Variants in ART4 observed in about 807,000 individuals in gnomAD.
ART4 encodes the protein ecto-ADP-ribosyltransferase 4.
In ART4, 14 loss-of-function variants were observed where a neutral mutation model predicts 24.2. The observed-to-expected ratio is 0.58, with a 90% CI of 0.38 to 0.90. The LOEUF (loss-of-function observed/expected upper bound fraction) is 0.90. ART4 is among the 40% of genes least tolerant of loss of function. The probability of loss-of-function intolerance (pLI) is 0.00; values close to 1 mark genes in which losing one functional copy is unlikely to be tolerated. For missense variants in ART4, 356 were observed against 366.6 expected, an observed-to-expected ratio of 0.97 and a Z score of 0.24; for synonymous variants, 145 against 139.9, an observed-to-expected ratio of 1.04 and a Z score of -0.26.
intron 2 of ART4, among the ~76,000 whole-genome samples, chr12:14,829,988 C>T (rs1950383406): frequency 3.9e-5 from 6 of 152,030 alleles, no homozygotes; most frequent in Admixed American, 3.9e-4. Flanking sequence ...GTATAGGCAC[C>T]ATTCAAACTT....
In ART4 at chr12:14,829,266, G is replaced by A; in HGVS notation, c.*105C>T. The A allele has an allele frequency of 1.3e-6, 1 of 758,982 alleles. No homozygotes were observed. The allele number at this position is 758,982 out of a possible 1,614,324, so 47.0% of individuals were successfully genotyped here. A position where few individuals can be genotyped will look rare whatever the true frequency, so the allele number is the denominator to read the frequency against. On this transcript the variant is annotated 3_prime_UTR_variant, in exon 3 of 3. Coordinates refer to ENST00000228936, the MANE Select transcript of ART4 (RefSeq NM_021071.4). ...GCACTGGTTTCAGCAGAAGTATGATGGGATCATCCTTCCTGGAAAATAAAT... is the reference window on the plus strand; with the variant it reads ...GCACTGGTTTCAGCAGAAGTATGATAGGATCATCCTTCCTGGAAAATAAAT...
chr12:14,829,415 A>T lies in ART4; in HGVS notation c.901T>A (p.Ser301Thr). The change falls in exon 3 of 3, where the codon TCC becomes ACC. Residue 301 changes from serine to threonine, a missense_variant. By Grantham distance (58) the Ser-to-Thr change is moderately conservative. Transcript: ENST00000228936. Reference protein sequence around the residue: ...IPDPIAIASLSFLTSVIIFSK... With the variant: ...IPDPIAIASLTFLTSVIIFSK... The stretch of plus-strand genomic sequence containing the variant: ...AAGATGATGACACTGGTCAAAAAGG[A>T]GAGAGATGCAATAGCTATAGGATCA... 6.2e-7 allele frequency: 1 copy of T among 1,609,480 alleles called. No individual in the cohort carries two copies.
Position 14,825,673 on chromosome 12 carries a change from A to T in ART4, c.*3698T>A, listed in dbSNP as rs1460385367. On this transcript the variant is annotated 3_prime_UTR_variant, in exon 3 of 3. Transcript: ENST00000228936. The stretch of plus-strand genomic sequence containing the variant: ...ATTTTACCAAATCAAGAGCTAGTTC[A>T]TTCAGTGTAAATCAATTTGATTCAT... 1 of 152,230 alleles carries T rather than the reference A, an allele frequency of 6.6e-6. No individual in the cohort carries two copies. The highest frequency in any genetic ancestry group is 2.4e-5 in the African/African-American group (1 of 41,456). The allele number at this position is 152,230 out of a possible 1,614,324, so 9.4% of individuals were successfully genotyped here.
At chr12:14,836,587 T>G (rs1053967215) in intron 2 of ART4, among the ~76,000 whole-genome samples, 1 of 152,188 alleles carries the variant, frequency 6.6e-6, no homozygotes, top group Non-Finnish European at 1.5e-5. Flanking sequence ...AAGGGGGCAT[T>G]ACTGCAATTT....
At position 14,830,649 on chromosome 12, in the gene ART4, GTATATATATATATATATATATA is replaced by G. The variant is rs3084548; in HGVS notation, c.854-1209_854-1188del. ...GTGTGTATGTGTGTACTGTATGTAT[GTATATATATATATATATATATA>G]TATATATATATATATATATATATAT... is the stretch of plus-strand genomic sequence containing the variant. On this transcript the variant is annotated intron_variant, in intron 2 of 2. Coordinates refer to ENST00000228936, the MANE Select transcript of ART4 (RefSeq NM_021071.4). 3.0e-3 allele frequency among the ~76,000 whole-genome samples: 78 copies of G among 25,956 alleles called. 5 individuals are homozygous for G. The East Asian group carries it at 0.037, about 12-fold the overall frequency. 17.0% of individuals were successfully genotyped at this position (25,956 alleles called of 152,430 possible). A position where few individuals can be genotyped will look rare whatever the true frequency, so the allele number is the denominator to read the frequency against.
intron 2 of ART4, among the ~76,000 whole-genome samples, chr12:14,831,027 A>G (rs1027698389): frequency 6.6e-6 from 1 of 151,914 alleles, no homozygotes; most frequent in South Asian, 2.1e-4. Context: ...AGAGAGCTTA[A>G]GGGTCTCTGT....
At position 14,840,608 on chromosome 12, in the gene ART4, G is replaced by C; in HGVS notation, c.690C>G (p.Thr230=). 6.2e-7 allele frequency: 1 copy of C among 1,614,158 alleles called. No individual in the cohort carries two copies. Among genetic ancestry groups the C allele is most frequent in the Middle Eastern group, 1.7e-4 (1 of 6,058 alleles). ...AGTACTGTACAGGTGCACCCAGGCAGGTGAATATGGTAAATAGTGTCTGGT... is the reference window on the plus strand; with the variant it reads ...AGTACTGTACAGGTGCACCCAGGCACGTGAATATGGTAAATAGTGTCTGGT... ...FGNQTLFTIF[T]CLGAPVQYFS... is the part of the protein sequence containing the mutation. The change falls in exon 2 of 3, where the codon ACC becomes ACG. Residue 230 remains threonine (T), a synonymous_variant. Coordinates refer to ENST00000228936, the MANE Select transcript of ART4 (RefSeq NM_021071.4).
At chr12:14,833,348 G>T (rs927380193) in intron 2 of ART4, among the ~76,000 whole-genome samples, 1 of 152,172 alleles carries the variant, frequency 6.6e-6, no homozygotes, top group African/African-American at 2.4e-5. Flanking sequence ...AGCTATATTT[G>T]TTGAAGAATG....
At chr12:14,832,887 A>T (rs1950405870) in intron 2 of ART4, among the ~76,000 whole-genome samples, 2 of 152,156 alleles carry the variant, frequency 1.3e-5, no homozygotes, top group South Asian at 4.1e-4. Context: ...TATGGCCATT[A>T]TCATTTCTAC....
At position 14,840,442 on chromosome 12, in the gene ART4, T is replaced by C. The variant is rs756368584; in HGVS notation, c.853+3A>G. On this transcript the variant is annotated splice_donor_region_variant and intron_variant, in intron 2 of 2. Transcript: ENST00000228936. ...GAGTGGCCTCAATTTAGATAAAGAA[T>C]ACCTTTTAGCAGCTGACAGTTATAT... 8.2e-6 allele frequency: 13 copies of C among 1,593,328 alleles called. No homozygotes were observed. Among genetic ancestry groups the C allele is most frequent in the Non-Finnish European group, 1.1e-5 (13 of 1,172,480 alleles).
chr12:14,840,400 C>T, intron 2 of ART4, 45 bp downstream of exon 2: 2 of 1,473,382 alleles, frequency 1.4e-6, no homozygotes, highest in Non-Finnish European at 1.8e-6. Flanking sequence ...TATAAAAGAG[C>T]AGTGGTCTGT....
intron 2 of ART4, among the ~76,000 whole-genome samples, chr12:14,839,167 TA>T (rs1456179077): frequency 6.6e-6 from 1 of 152,184 alleles, no homozygotes; most frequent in Non-Finnish European, 1.5e-5. Context: ...AGCATAAAAT[TA>T]AAAGGTCCTT....
rs1465674614 is a variant in ART4, at chr12:14,841,129, A to G, written c.169T>C (p.Phe57Leu). Residue 57 changes from phenylalanine (F) to leucine (L), a missense_variant, in exon 2 of 3, where the codon TTC becomes CTC. Phe to Leu is a conservative substitution (Grantham distance 22). Transcript: ENST00000228936. ...SEVAIKIDFDFAPGSFDDQYQ... is the reference protein window; with the variant it reads ...SEVAIKIDFDLAPGSFDDQYQ... ...TGATCATCAAAAGAACCTGGTGCGA[A>G]GTCGAAGTCGATTTTAATTGCAACC... 3.2e-6 allele frequency: 5 copies of G among 1,571,896 alleles called. No individual in the cohort carries two copies. The highest frequency in any genetic ancestry group is 4.3e-6 in the Non-Finnish European group (5 of 1,163,776).
At position 14,830,649 on chromosome 12, in the gene ART4, GTATATATATATATATATATA is replaced by G. The variant is rs3084548; in HGVS notation, c.854-1207_854-1188del. ...GTGTGTATGTGTGTACTGTATGTAT[GTATATATATATATATATATA>G]TATATATATATATATATATATATAT... On this transcript the variant is annotated intron_variant, in intron 2 of 2. Coordinates refer to ENST00000228936, the MANE Select transcript of ART4 (RefSeq NM_021071.4). Among the ~76,000 whole-genome samples, 85 of 25,956 alleles carry G rather than the reference GTATATATATATATATATATA, an allele frequency of 3.3e-3. 6 individuals carry two copies. Among genetic ancestry groups the G allele is most frequent in the East Asian group, 0.014 (7 of 518 alleles). 17.0% of individuals were successfully genotyped at this position (25,956 alleles called of 152,430 possible).
At chr12:14,835,034 G>A (rs1950420174) in intron 2 of ART4, among the ~76,000 whole-genome samples, 1 of 152,174 alleles carries the variant, frequency 6.6e-6, no homozygotes, top group African/African-American at 2.4e-5. Flanking sequence ...GAGAATTACA[G>A]TATGCTGCTG....
At position 14,826,584 on chromosome 12, in the gene ART4, A is replaced by G. The variant is rs146654680; in HGVS notation, c.*2787T>C. 9.6e-4 allele frequency: 146 copies of G among 152,328 alleles called. No individual in the cohort carries two copies. Among genetic ancestry groups the G allele is most frequent in the African/African-American group, 3.4e-3 (142 of 41,568 alleles). The allele number at this position is 152,328 out of a possible 1,614,324, so 9.4% of individuals were successfully genotyped here. ...GCTTTAGGAGAATTGTCTTACTCAG[A>G]AAATTATGACTTCTCATGGAAATCA... is the stretch of plus-strand genomic sequence containing the variant. On this transcript the variant is annotated 3_prime_UTR_variant, in exon 3 of 3. Transcript: ENST00000228936.
rs1407127454 is a variant in ART4, at chr12:14,829,357, G to A, written c.*14C>T. The A allele has an allele frequency of 1.1e-5, 16 of 1,497,502 alleles. No homozygotes were observed. Among genetic ancestry groups the A allele is most frequent in the Non-Finnish European group, 1.4e-5 (16 of 1,116,868 alleles). 92.8% of individuals were successfully genotyped at this position (1,497,502 alleles called of 1,614,324 possible). ...TAAATATTTTTTTTAAATAAAAGGA[G>A]CCACAAGATTTCTTTATACTCTGCT... On this transcript the variant is annotated 3_prime_UTR_variant, in exon 3 of 3. Coordinates refer to ENST00000228936, the MANE Select transcript of ART4 (RefSeq NM_021071.4).
rs766171845 is a variant in ART4 at position 14,840,736 on chromosome 12, T to TATAATGC, written c.555_561dup (p.Arg188AlafsTer3). The TATAATGC allele has an allele frequency of 3.7e-6, 6 of 1,614,062 alleles. No individual in the cohort carries two copies. Among genetic ancestry groups the TATAATGC allele is most frequent in the Non-Finnish European group, 5.1e-6 (6 of 1,180,048 alleles). Reference sequence around the variant, plus strand: ...GCATTAAAGTGGACATCCTTCGTCCTATAATGCACCTCATAGCACAGAGTG... The same window carrying TATAATGC: ...GCATTAAAGTGGACATCCTTCGTCCTATAATGCATAATGCACCTCATAGCACAGAGTG... On this transcript the variant is annotated frameshift_variant, in exon 2 of 3. Transcript: ENST00000228936. LOFTEE classifies it high-confidence loss of function.
Position 14,843,103 on chromosome 12 carries a change from A to G in ART4, c.11T>C (p.Leu4Ser). 1 of 1,614,158 alleles carries G rather than the reference A, an allele frequency of 6.2e-7. No homozygotes were observed. The highest frequency in any genetic ancestry group is 8.5e-7 in the Non-Finnish European group (1 of 1,179,990). ...AAGAATCTTCTTGCATCTGTTGATC[A>G]ATGGACCCATTTGCTTGTGTCACAA... MGPLINRCKKILLP... is the reference protein window; with the variant it reads MGPSINRCKKILLP... Residue 4 changes from leucine to serine, a missense_variant, in exon 1 of 3, where the codon TTG (leucine) becomes TCG (serine). By Grantham distance (145) the Leu-to-Ser change is moderately radical (BLOSUM62 -2). Coordinates refer to ENST00000228936, the MANE Select transcript of ART4 (RefSeq NM_021071.4).
Sources: gnomAD v4.1 joint callset for allele counts (sites outside exome capture counted in the v4.1 genomes callset) on GRCh38, gnomAD v4.1.1 for gene constraint, MANE v1.5 for transcripts, NCBI Gene and HGNC (gene_info 2026-07-23, HGNC 2026-07-21) for gene names.